The following THSD7B variants were observed in gnomAD, a reference collection of about 807,000 sequenced individuals.
The protein encoded by THSD7B is thrombospondin type 1 domain containing 7B, also known as thrombospondin type-1 domain-containing protein 7B.
A neutral mutation model predicts 213.6 loss-of-function variants in THSD7B; 138 were observed. That is an observed-to-expected ratio of 0.65 (90% CI 0.56 to 0.74). The LOEUF is 0.74. Among genes scored for constraint, THSD7B ranks in the 30% least tolerant of loss-of-function variants. THSD7B has a pLI of 0.00. For synonymous variants in THSD7B, 742 were observed against 687.0 expected, an observed-to-expected ratio of 1.08 and a Z score of -1.25; for missense variants, 1,931 against 1,991.5, an observed-to-expected ratio of 0.97 and a Z score of 0.58.
intron 20 of THSD7B, among the ~76,000 whole-genome samples, chr2:137,635,830 A>G (rs1682822971): frequency 6.6e-6 from 1 of 152,060 alleles, no homozygotes; most frequent in African/African-American, 2.4e-5. Context: ...TCAGCCTCCG[A>G]ATAGCTGAGA....
At chr2:136,986,584 G>A (rs1022484402) in intron 2 of THSD7B, among the ~76,000 whole-genome samples, 2 of 152,160 alleles carry the variant, frequency 1.3e-5, no homozygotes, top group Non-Finnish European at 2.9e-5. Context: ...TTATAGTAAT[G>A]CACACGGAGT....
intron 12 of THSD7B, among the ~76,000 whole-genome samples, chr2:137,398,422 T>C (rs558279649): frequency 0.18 from 25,780 of 144,274 alleles, 2,118 homozygotes; most frequent in South Asian, 0.23. Context: ...AATACCCTGC[T>C]GTGTGAGGTG....
intron 15 of THSD7B, among the ~76,000 whole-genome samples, chr2:137,487,159 G>A (rs1313970231): frequency 6.7e-6 from 1 of 149,460 alleles, no homozygotes; most frequent in African/African-American, 2.5e-5. Context: ...ATGAGGTCAG[G>A]AGATTGAGAC....
chr2:137,526,316 T>C (rs975842010), intron 15 of THSD7B, among the ~76,000 whole-genome samples: 2 of 152,190 alleles, frequency 1.3e-5, no homozygotes, highest in African/African-American at 4.8e-5. Context: ...GATATGGTGC[T>C]AGGGGCTGAG....
At chr2:137,309,521 T>G (rs1488210051) in intron 12 of THSD7B, among the ~76,000 whole-genome samples, 1 of 151,632 alleles carries the variant, frequency 6.6e-6, no homozygotes, top group Non-Finnish European at 1.5e-5. Flanking sequence ...TTATTATTAT[T>G]ATACTTTAAG....
At chr2:137,399,095 T>C (rs1277213759) in intron 12 of THSD7B, among the ~76,000 whole-genome samples, 1 of 151,380 alleles carries the variant, frequency 6.6e-6, no homozygotes, top group African/African-American at 2.4e-5. Flanking sequence ...ACCCGGTACC[T>C]CAGATGGAAA....
At chr2:137,469,088 A>T (rs1688045581) in intron 15 of THSD7B, among the ~76,000 whole-genome samples, 3 of 152,192 alleles carry the variant, frequency 2.0e-5, no homozygotes, top group Non-Finnish European at 2.9e-5. Flanking sequence ...TAGAACATTT[A>T]CTGGTTTGAA....
At chr2:137,618,243 A>G in intron 18 of THSD7B, 149 bp from the exon 19 acceptor site, 1 of 624,978 alleles carries the variant, frequency 1.6e-6, no homozygotes, top group Non-Finnish European at 2.8e-6. Context: ...CAATAAGGGC[A>G]TTGCATGATG....
At chr2:136,785,525 C>A (rs1442294796) in intron 1 of THSD7B, among the ~76,000 whole-genome samples, 1 of 152,178 alleles carries the variant, frequency 6.6e-6, no homozygotes, top group African/African-American at 2.4e-5. Flanking sequence ...TCCACCACTC[C>A]TTTTCATAGA....
chr2:136,998,261 C>CAAAAAAAAAAAAAAAAAAAGAA (rs1685930704), intron 2 of THSD7B, among the ~76,000 whole-genome samples: 1 of 98,404 alleles, frequency 1.0e-5, no homozygotes, highest in Non-Finnish European at 2.1e-5. Context: ...ACTAAAAGGC[C>CAAAAAAAAAAAAAAAAAAAGAA]AAAAAAAAAA....
At chr2:137,505,227 G>T (rs1324722741) in intron 15 of THSD7B, among the ~76,000 whole-genome samples, 1 of 152,168 alleles carries the variant, frequency 6.6e-6, no homozygotes, top group Non-Finnish European at 1.5e-5. Flanking sequence ...GGACCAAGTG[G>T]TCATTTTCAG....
intron 15 of THSD7B, among the ~76,000 whole-genome samples, chr2:137,524,096 C>G (rs539200904): frequency 3.3e-5 from 5 of 152,134 alleles, no homozygotes; most frequent in African/African-American, 1.2e-4. Context: ...ACAATGACAA[C>G]AACAGAAAGT....
intron 10 of THSD7B, among the ~76,000 whole-genome samples, chr2:137,251,070 C>T (rs1682164648): frequency 6.6e-6 from 1 of 152,122 alleles, no homozygotes; most frequent in South Asian, 2.1e-4. Context: ...CCCAAAGTAC[C>T]AAGAAATAAA....
intron 15 of THSD7B, among the ~76,000 whole-genome samples, chr2:137,541,788 A>G (rs1353952549): frequency 6.6e-6 from 1 of 151,724 alleles, no homozygotes; most frequent in African/African-American, 2.4e-5. Flanking sequence ...AATTACATAG[A>G]TATTCTGGAG....
chr2:137,417,018 G>A (rs1686814930), intron 14 of THSD7B, among the ~76,000 whole-genome samples: 1 of 151,988 alleles, frequency 6.6e-6, no homozygotes, highest in Non-Finnish European at 1.5e-5. Context: ...TGATTTGTAG[G>A]CAATGAATTA....
At chr2:136,823,802 TAAATTA>T (rs1255958290) in intron 1 of THSD7B, among the ~76,000 whole-genome samples, 143 of 152,328 alleles carry the variant, frequency 9.4e-4, no homozygotes, top group Middle Eastern at 3.4e-3. Context: ...AATTCTTAAC[TAAATTA>T]ACAAAGAAGA....
At chr2:137,086,640 A>G (rs1451089716) in intron 3 of THSD7B, among the ~76,000 whole-genome samples, 1 of 152,184 alleles carries the variant, frequency 6.6e-6, no homozygotes, top group Non-Finnish European at 1.5e-5. Context: ...AGGTGTGGAC[A>G]TTTTTGGAGG....
chr2:137,376,109 GT>G (rs1685649286), intron 12 of THSD7B, among the ~76,000 whole-genome samples: 1 of 152,188 alleles, frequency 6.6e-6, no homozygotes, highest in African/African-American at 2.4e-5. Flanking sequence ...AATCTTTGCA[GT>G]TGTTTTTCAT....
chr2:137,607,285 C>A (rs1350230826), intron 17 of THSD7B, among the ~76,000 whole-genome samples: 1 of 152,028 alleles, frequency 6.6e-6, no homozygotes, highest in Non-Finnish European at 1.5e-5. Flanking sequence ...ATGTCTAGGT[C>A]TTTTTCTGTA....
Sources: gnomAD v4.1 joint callset for allele counts (sites outside exome capture counted in the v4.1 genomes callset) on GRCh38, gnomAD v4.1.1 for gene constraint, MANE v1.5 for transcripts, NCBI Gene and HGNC (gene_info 2026-07-23, HGNC 2026-07-21) for gene names.